Variants in SLIT3 observed in about 807,000 individuals in gnomAD.
The protein encoded by SLIT3 is slit guidance ligand 3, also known as slit homolog 3 protein.
In SLIT3, 68 loss-of-function variants were observed where a neutral mutation model predicts 184.0. That is an observed-to-expected ratio of 0.37 (90% confidence interval 0.30 to 0.45). SLIT3 has a LOEUF of 0.45. Among genes scored for constraint, SLIT3 ranks in the 20% least tolerant of loss-of-function variants. The probability of loss-of-function intolerance (pLI) is 1.00; values close to 1 mark genes in which losing one functional copy is unlikely to be tolerated. For synonymous variants in SLIT3, 831 were observed against 828.6 expected (o/e 1.00, Z -0.05); for missense variants, 1,707 against 2,026.0 (o/e 0.84, Z 3.02).
At chr5:169,203,172 G>T (rs934340273) in intron 3 of SLIT3, among the ~76,000 whole-genome samples, 1 of 152,134 alleles carries the variant, frequency 6.6e-6, no homozygotes, top group Non-Finnish European at 1.5e-5. Context: ...AACAATGCAG[G>T]GGAACCCCAG....
At chr5:168,680,727 T>C (rs1561871237) in intron 32 of SLIT3, among the ~76,000 whole-genome samples, 1 of 152,336 alleles carries the variant, frequency 6.6e-6, no homozygotes, top group East Asian at 1.9e-4. Flanking sequence ...CCCACATGGC[T>C]TCCATGCAGG....
intron 5 of SLIT3, among the ~76,000 whole-genome samples, chr5:168,875,203 A>AG (rs778072975): frequency 7.9e-6 from 1 of 126,204 alleles, no homozygotes; most frequent in African/African-American, 3.0e-5. Flanking sequence ...GAAGAGAGAA[A>AG]GGGGGGAAGA....
rs962358910 is a variant in SLIT3 at position 169,244,562 on chromosome 5, G to C, written c.341+143C>G. ...TTAACATGCATCTAATGTGCCTTAAGTATAATAGCAAACATTCTATTTAAA... is the reference window on the plus strand; with the variant it reads ...TTAACATGCATCTAATGTGCCTTAACTATAATAGCAAACATTCTATTTAAA... On this transcript the variant is annotated intron_variant, in intron 3 of 35. Coordinates refer to ENST00000519560, the MANE Select transcript of SLIT3 (RefSeq NM_003062.4). 4.5e-6 allele frequency: 3 copies of C among 667,968 alleles called. No individual in the cohort carries two copies. The African/African-American group carries it at 5.4e-5, about 12-fold the overall frequency. 41.4% of individuals were successfully genotyped at this position (667,968 alleles called of 1,614,324 possible).
chr5:168,752,838 T>C, intron 18 of SLIT3, 117 bp downstream of exon 18: 1 of 1,062,448 alleles, frequency 9.4e-7, no homozygotes, highest in Non-Finnish European at 1.4e-6. Context: ...GCCTGACGAG[T>C]TTTTAAGTGG....
intron 4 of SLIT3, among the ~76,000 whole-genome samples, chr5:169,185,239 G>A (rs961655584): frequency 5.3e-5 from 8 of 152,220 alleles, no homozygotes; most frequent in South Asian, 2.1e-4. Flanking sequence ...AGTGTTCAGC[G>A]TTTGGGGGAA....
chr5:169,052,911 G>A (rs1429481323), intron 4 of SLIT3, among the ~76,000 whole-genome samples: 3 of 151,454 alleles, frequency 2.0e-5, no homozygotes, highest in Admixed American at 2.0e-4. Context: ...ATAGGCAGAT[G>A]TTGCAGAGAA....
At chr5:169,083,010 C>A (rs1261162443) in intron 4 of SLIT3, among the ~76,000 whole-genome samples, 1 of 151,374 alleles carries the variant, frequency 6.6e-6, no homozygotes, top group Non-Finnish European at 1.5e-5. Context: ...AAACACTGAT[C>A]TTTATTAAAT....
chr5:169,235,843 C>T (rs949674858), intron 3 of SLIT3, among the ~76,000 whole-genome samples: 3 of 152,212 alleles, frequency 2.0e-5, no homozygotes, highest in Admixed American at 6.5e-5. Context: ...TTCATTGCAT[C>T]ATATCGAAAG....
At chr5:168,969,699 A>T (rs1754497986) in intron 4 of SLIT3, among the ~76,000 whole-genome samples, 1 of 152,122 alleles carries the variant, frequency 6.6e-6, no homozygotes, top group African/African-American at 2.4e-5. Context: ...AGACACCTTG[A>T]ATTTGTTGGT....
intron 4 of SLIT3, among the ~76,000 whole-genome samples, chr5:168,918,936 C>T (rs1427464411): frequency 6.6e-6 from 1 of 152,118 alleles, no homozygotes; most frequent in African/African-American, 2.4e-5. Context: ...TGTTCATGCC[C>T]TTTGCCCCAG....
rs147397798 is a variant in SLIT3 at position 169,230,286 on chromosome 5, T to C, written c.341+14419A>G. ...ATGACTGGTAAGTGAAATGAGAAGA[T>C]TTATCCAGATTCAAATCCAGGTTTA... On this transcript the variant is annotated intron_variant, in intron 3 of 35. Transcript: ENST00000519560. Among the ~76,000 whole-genome samples the C allele has an allele frequency of 3.2e-3, 479 of 151,906 alleles. 5 individuals are homozygous for C. The highest frequency in any genetic ancestry group is 0.011 in the African/African-American group (458 of 41,474).
At chr5:169,189,094 A>G (rs1763454313) in intron 4 of SLIT3, among the ~76,000 whole-genome samples, 1 of 152,152 alleles carries the variant, frequency 6.6e-6, no homozygotes, top group African/African-American at 2.4e-5. Context: ...GGGAACTTCC[A>G]AGATCTGGGA....
At chr5:169,152,628 C>A (rs567430173) in intron 4 of SLIT3, among the ~76,000 whole-genome samples, 13 of 152,062 alleles carry the variant, frequency 8.5e-5, no homozygotes, top group Admixed American at 8.5e-4. Context: ...GCTGTGTGGG[C>A]GTGGCACATG....
chr5:169,079,281 C>T (rs1467291337), intron 4 of SLIT3, among the ~76,000 whole-genome samples: 1 of 152,158 alleles, frequency 6.6e-6, no homozygotes, highest in African/African-American at 2.4e-5. Flanking sequence ...TGTTGTTCCA[C>T]ACCTGCCTGC....
At chr5:168,842,234 C>T (rs1758279521) in intron 6 of SLIT3, among the ~76,000 whole-genome samples, 2 of 152,208 alleles carry the variant, frequency 1.3e-5, no homozygotes, top group South Asian at 4.2e-4. Context: ...ATTAAAAACC[C>T]ATGGAATAAC....
intron 4 of SLIT3, among the ~76,000 whole-genome samples, chr5:169,168,914 G>T (rs1407283509): frequency 6.6e-6 from 1 of 152,196 alleles, no homozygotes; most frequent in East Asian, 1.9e-4. Context: ...TGGGACAACA[G>T]ACTGGGGACC....
At chr5:169,066,842 T>A (rs1035184199) in intron 4 of SLIT3, among the ~76,000 whole-genome samples, 1 of 151,360 alleles carries the variant, frequency 6.6e-6, no homozygotes, top group Non-Finnish European at 1.5e-5. Context: ...TATAATGACC[T>A]ACTTGGCTGA....
chr5:169,024,505 G>A (rs779117796), intron 4 of SLIT3: 2 of 152,208 alleles, frequency 1.3e-5, no homozygotes, highest in South Asian at 2.1e-4. Context: ...TTGCTGAAAC[G>A]TCTGGGAGAC....
intron 3 of SLIT3, among the ~76,000 whole-genome samples, chr5:169,244,011 C>CT (rs1454864878): frequency 6.6e-6 from 1 of 152,220 alleles, no homozygotes; most frequent in Non-Finnish European, 1.5e-5. Flanking sequence ...AGCAGCTCTC[C>CT]TCAAAGTAAT....
Sources: allele counts gnomAD v4.1 joint callset (sites outside exome capture counted in the v4.1 genomes callset), GRCh38; gene constraint gnomAD v4.1.1; transcripts MANE v1.5; gene names NCBI Gene and HGNC (gene_info 2026-07-23, HGNC 2026-07-21).